Variants in GRID2 observed in about 807,000 individuals in gnomAD.
GRID2 encodes glutamate receptor ionotropic, delta-2.
Under a neutral mutation model 114.8 loss-of-function variants are expected in GRID2, and 33 were observed. That is an observed-to-expected ratio of 0.29 (90% CI 0.22 to 0.38). GRID2 has a LOEUF of 0.38. Ranked by LOEUF, GRID2 falls within the 10% of genes least tolerant of loss-of-function variation. GRID2 has a pLI of 1.00. For synonymous variants in GRID2, 505 were observed against 449.9 expected, an observed-to-expected ratio of 1.12 and a Z score of -1.55; for missense variants, 1,184 against 1,257.7, an observed-to-expected ratio of 0.94 and a Z score of 0.89.
At chr4:93,506,186 C>T (rs572322418) in intron 12 of GRID2, among the ~76,000 whole-genome samples, 1 of 152,278 alleles carries the variant, frequency 6.6e-6, no homozygotes, top group South Asian at 2.1e-4. Context: ...CATAAACTTA[C>T]AATTTTACCT....
chr4:93,030,027 T>C (rs969439545), intron 2 of GRID2, among the ~76,000 whole-genome samples: 4 of 152,158 alleles, frequency 2.6e-5, no homozygotes, highest in Admixed American at 6.6e-5. Flanking sequence ...ATTTTCATCA[T>C]TGAATCAAAC....
intron 1 of GRID2, among the ~76,000 whole-genome samples, chr4:92,344,502 G>A (rs1727667647): frequency 6.6e-6 from 1 of 152,062 alleles, no homozygotes; most frequent in Admixed American, 6.5e-5. Flanking sequence ...AAACTTAGTG[G>A]CTCAAAACAA....
intron 14 of GRID2, among the ~76,000 whole-genome samples, chr4:93,704,142 T>A (rs1727778591): frequency 6.6e-6 from 1 of 152,150 alleles, no homozygotes; most frequent in South Asian, 2.1e-4. Flanking sequence ...TTTCTCCACA[T>A]CCTCTCCAGC....
intron 5 of GRID2, among the ~76,000 whole-genome samples, chr4:93,214,025 T>G (rs958640947): frequency 2.0e-5 from 3 of 152,088 alleles, no homozygotes; most frequent in Admixed American, 6.6e-5. Context: ...ATTGCAATGT[T>G]AATTCTACTT....
chr4:93,274,107 C>G (rs1467140424), intron 8 of GRID2, among the ~76,000 whole-genome samples: 1 of 152,028 alleles, frequency 6.6e-6, no homozygotes, highest in Non-Finnish European at 1.5e-5. Context: ...AACATAATAG[C>G]TGATGTTATC....
At chr4:93,662,039 T>C (rs1047255274) in intron 14 of GRID2, among the ~76,000 whole-genome samples, 1 of 152,188 alleles carries the variant, frequency 6.6e-6, no homozygotes, top group South Asian at 2.1e-4. Flanking sequence ...CTCATTCTGT[T>C]CCAGCTACCT....
intron 4 of GRID2, among the ~76,000 whole-genome samples, chr4:93,178,361 T>A (rs1739550865): frequency 6.6e-6 from 1 of 151,386 alleles, no homozygotes; most frequent in East Asian, 1.9e-4. Context: ...AGTGCTTATA[T>A]TGTTTTCCTT....
chr4:93,494,727 T>G (rs1012031168), intron 12 of GRID2, among the ~76,000 whole-genome samples: 2 of 151,772 alleles, frequency 1.3e-5, no homozygotes, highest in African/African-American at 4.8e-5. Flanking sequence ...TCCACAAGAC[T>G]CTAATGACAA....
intron 2 of GRID2, among the ~76,000 whole-genome samples, chr4:92,660,435 T>C (rs550011434): frequency 2.0e-5 from 3 of 151,410 alleles, no homozygotes; most frequent in East Asian, 3.9e-4. Flanking sequence ...TGCTTGGATT[T>C]ACATAAACAG....
chr4:92,367,198 A>G (rs1728909533), intron 1 of GRID2, among the ~76,000 whole-genome samples: 1 of 152,094 alleles, frequency 6.6e-6, no homozygotes, highest in African/African-American at 2.4e-5. Flanking sequence ...TCCATGGATG[A>G]TTTCTACCTG....
chr4:92,445,321 T>C (rs574451300), intron 1 of GRID2, among the ~76,000 whole-genome samples: 13 of 152,322 alleles, frequency 8.5e-5, no homozygotes, highest in African/African-American at 2.6e-4. Flanking sequence ...GCATCATTCC[T>C]GACAATCTTT....
rs528108724 is a variant in GRID2, at chr4:93,678,762, G to T, written c.2360+52327G>T. Among the ~76,000 whole-genome samples the T allele has an allele frequency of 6.6e-5, 10 of 151,116 alleles. No homozygotes were observed. In the East Asian group the frequency reaches 1.7e-3, roughly 26 times the overall value. ...TGTCACCAACAGGCCTGCCCTAAAA[G>T]AGCTCCTGAAGGAAGCACTAAACAT... On this transcript the variant is annotated intron_variant, in intron 14 of 15. Transcript: ENST00000282020.
In GRID2 at chr4:92,849,362, A is replaced by G. The variant is rs535959878; in HGVS notation, c.245-235633A>G. On this transcript the variant is annotated intron_variant, in intron 2 of 15. Transcript: ENST00000282020. ...GTATTCTTTGACTTGGGGATTTATAACAGTTGGTACAGAATTCTGCCTGGA... is the reference window on the plus strand; with the variant it reads ...GTATTCTTTGACTTGGGGATTTATAGCAGTTGGTACAGAATTCTGCCTGGA... Among the ~76,000 whole-genome samples, 42 of 151,986 alleles carry G rather than the reference A, an allele frequency of 2.8e-4. 1 individual carries two copies. In the South Asian group the frequency reaches 4.4e-3, roughly 16 times the overall value.
intron 1 of GRID2, among the ~76,000 whole-genome samples, chr4:92,553,236 T>A (rs1216498353): frequency 6.6e-6 from 1 of 152,208 alleles, no homozygotes; most frequent in African/African-American, 2.4e-5. Context: ...GGGTAATCTG[T>A]GTAAAACACA....
At chr4:93,356,617 G>A in intron 8 of GRID2, among the ~76,000 whole-genome samples, 1 of 151,674 alleles carries the variant, frequency 6.6e-6, no homozygotes, top group East Asian at 1.9e-4. Flanking sequence ...AACTTTGGCT[G>A]CCTCTCATAT....
chr4:92,999,552 T>C (rs886142101), intron 2 of GRID2, among the ~76,000 whole-genome samples: 2 of 151,718 alleles, frequency 1.3e-5, no homozygotes, highest in Admixed American at 1.3e-4. Flanking sequence ...CTTATTAGTA[T>C]TTTTCAGGTT....
At chr4:93,802,430 G>A (rs960258081) in intron 1 of GRID2, among the ~76,000 whole-genome samples, 1 of 152,084 alleles carries the variant, frequency 6.6e-6, no homozygotes, top group Non-Finnish European at 1.5e-5. Flanking sequence ...GAAAGAGAGA[G>A]AGAGATGTAT....
intron 1 of GRID2, among the ~76,000 whole-genome samples, chr4:92,520,875 T>A (rs889394159): frequency 5.3e-5 from 8 of 151,960 alleles, no homozygotes; most frequent in Middle Eastern, 3.4e-3. Context: ...GAGGATAAGG[T>A]CATAGGGACA....
chr4:93,591,741 A>T (rs1471465373), intron 13 of GRID2, among the ~76,000 whole-genome samples: 1 of 152,118 alleles, frequency 6.6e-6, no homozygotes, highest in Admixed American at 6.5e-5. Context: ...AGATCCTGTT[A>T]TTGGTGTATT....
Sources: gnomAD v4.1 joint callset for allele counts (sites outside exome capture counted in the v4.1 genomes callset) on GRCh38, gnomAD v4.1.1 for gene constraint, MANE v1.5 for transcripts, NCBI Gene and HGNC (gene_info 2026-07-23, HGNC 2026-07-21) for gene names.